Variants in KSR2 observed in about 807,000 individuals in gnomAD.
KSR2 encodes kinase suppressor of ras 2.
KSR2 carries 25 observed loss-of-function variants against 107.8 expected under a neutral mutation model. That is an observed-to-expected ratio of 0.23 (90% CI 0.17 to 0.32). The LOEUF (loss-of-function observed/expected upper bound fraction) is 0.32. Among genes scored for constraint, KSR2 ranks in the 10% least tolerant of loss-of-function variants. KSR2 has a pLI of 1.00. For synonymous variants in KSR2, 480 were observed against 507.0 expected (o/e 0.95, Z 0.71); for missense variants, 887 against 1,268.9 (o/e 0.70, Z 4.57).
chr12:117,737,424 G>A (rs1887987825), intron 4 of KSR2, among the ~76,000 whole-genome samples: 1 of 152,124 alleles, frequency 6.6e-6, no homozygotes, highest in Non-Finnish European at 1.5e-5. Flanking sequence ...CAGTCATTCT[G>A]TAAACCATCT....
intron 3 of KSR2, among the ~76,000 whole-genome samples, chr12:117,844,516 A>G (rs1892627334): frequency 6.6e-6 from 1 of 151,708 alleles, no homozygotes; most frequent in African/African-American, 2.4e-5. Context: ...TTTTTTAAAA[A>G]GTTGGCAGTG....
At chr12:117,591,419 T>C (rs1015069559) in intron 5 of KSR2, among the ~76,000 whole-genome samples, 1 of 152,030 alleles carries the variant, frequency 6.6e-6, no homozygotes, top group African/African-American at 2.4e-5. Context: ...CGGCACGACA[T>C]AGCTGAGACC....
At chr12:117,639,633 T>C (rs952157068) in intron 5 of KSR2, among the ~76,000 whole-genome samples, 7 of 134,812 alleles carry the variant, frequency 5.2e-5, no homozygotes, top group African/African-American at 1.4e-4. Flanking sequence ...CCCAGCGTAT[T>C]ATTATTATTA....
intron 7 of KSR2, among the ~76,000 whole-genome samples, chr12:117,570,684 A>G (rs1878829670): frequency 6.6e-6 from 1 of 152,242 alleles, no homozygotes; most frequent in Non-Finnish European, 1.5e-5. Context: ...CAACGTATTT[A>G]AAGATTCTAA....
At chr12:117,824,015 GATGA>G (rs546458698) in intron 3 of KSR2, among the ~76,000 whole-genome samples, 83 of 152,268 alleles carry the variant, frequency 5.5e-4, no homozygotes, top group African/African-American at 1.9e-3. Context: ...CCCATCAATG[GATGA>G]ATAGGTAAAG....
At chr12:117,527,334 C>CAT (rs1337739428) in intron 12 of KSR2, among the ~76,000 whole-genome samples, 1,684 of 133,968 alleles carry the variant, frequency 0.013, 41 homozygotes, top group African/African-American at 0.052. Flanking sequence ...CAGACACACA[C>CAT]ACACACACAC....
chr12:117,690,137 A>C (rs1747585972), intron 4 of KSR2, among the ~76,000 whole-genome samples: 1 of 152,228 alleles, frequency 6.6e-6, no homozygotes, highest in African/African-American at 2.4e-5. Flanking sequence ...CCATGGCCAC[A>C]GTCTTCCAAC....
At chr12:117,900,699 C>T (rs1234231687) in intron 1 of KSR2, among the ~76,000 whole-genome samples, 3 of 152,178 alleles carry the variant, frequency 2.0e-5, no homozygotes, top group Non-Finnish European at 4.4e-5. Flanking sequence ...AGAACATCTG[C>T]ATCATGACCC....
At chr12:117,886,189 G>T (rs1894172720) in intron 1 of KSR2, among the ~76,000 whole-genome samples, 1 of 149,674 alleles carries the variant, frequency 6.7e-6, no homozygotes, top group Non-Finnish European at 1.5e-5. Flanking sequence ...ATTTGTATAG[G>T]TATAAATAAT....
rs534594067 is a variant in KSR2 at position 117,547,924 on chromosome 12, T to C, written c.1518+7245A>G. Among the ~76,000 whole-genome samples, 92 of 152,098 alleles carry C rather than the reference T, an allele frequency of 6.0e-4. 1 individual carries two copies. Among genetic ancestry groups the C allele is most frequent in the Middle Eastern group, 3.4e-3 (1 of 294 alleles). The stretch of plus-strand genomic sequence containing the variant: ...AGCCTGGCCAACTAGTGAAACCCCA[T>C]CTCTACTAAAAATATTCTGAAAATT... On this transcript the variant is annotated intron_variant, in intron 9 of 19. Transcript: ENST00000339824.
intron 7 of KSR2, among the ~76,000 whole-genome samples, chr12:117,577,121 A>G (rs192408815): frequency 1.2e-3 from 186 of 152,198 alleles, no homozygotes; most frequent in African/African-American, 3.6e-3. Context: ...TCTCACTTCT[A>G]TCTTGGGGCA....
At chr12:117,705,129 A>G (rs1886473016) in intron 4 of KSR2, among the ~76,000 whole-genome samples, 1 of 152,108 alleles carries the variant, frequency 6.6e-6, no homozygotes, top group South Asian at 2.1e-4. Context: ...TGAGTTCATT[A>G]CAGTGAATGT....
chr12:117,689,369 T>C (rs1002145109), intron 4 of KSR2, among the ~76,000 whole-genome samples: 1 of 152,194 alleles, frequency 6.6e-6, no homozygotes, highest in African/African-American at 2.4e-5. Flanking sequence ...AGAACACTAT[T>C]CAGTCATTAA....
chr12:117,796,970 T>A (rs1171176550), intron 3 of KSR2, among the ~76,000 whole-genome samples: 1 of 152,180 alleles, frequency 6.6e-6, no homozygotes, highest in Non-Finnish European at 1.5e-5. Context: ...AGTGCCGAGC[T>A]TTGAATTGGA....
chr12:117,875,124 C>T (rs1300891421), intron 1 of KSR2, among the ~76,000 whole-genome samples: 2 of 152,040 alleles, frequency 1.3e-5, no homozygotes, highest in East Asian at 1.9e-4. Context: ...ATTAGCATGG[C>T]GGTAAATTTA....
intron 5 of KSR2, among the ~76,000 whole-genome samples, chr12:117,596,843 A>G (rs1043126797): frequency 6.6e-6 from 1 of 152,230 alleles, no homozygotes; most frequent in African/African-American, 2.4e-5. Context: ...AGGAAGAGCA[A>G]GCACCATGCT....
chr12:117,476,059 C>G (rs76737817), intron 17 of KSR2, among the ~76,000 whole-genome samples: 2,763 of 152,300 alleles, frequency 0.018, 88 homozygotes, highest in African/African-American at 0.063. Flanking sequence ...CTAAGCCACT[C>G]TCAAATTCCT....
At chr12:117,828,682 T>G (rs916105715) in intron 3 of KSR2, among the ~76,000 whole-genome samples, 2 of 152,182 alleles carry the variant, frequency 1.3e-5, no homozygotes, top group African/African-American at 4.8e-5. Flanking sequence ...GGTCTGTATC[T>G]TGTTAATTCG....
intron 16 of KSR2, among the ~76,000 whole-genome samples, chr12:117,477,677 G>A (rs776364284): frequency 6.6e-6 from 1 of 152,216 alleles, no homozygotes; most frequent in Non-Finnish European, 1.5e-5. Context: ...GGGGAAGTTA[G>A]GACAAAGTTC....
Sources: gnomAD v4.1 joint callset for allele counts (sites outside exome capture counted in the v4.1 genomes callset) on GRCh38, gnomAD v4.1.1 for gene constraint, MANE v1.5 for transcripts, NCBI Gene and HGNC (gene_info 2026-07-23, HGNC 2026-07-21) for gene names.